Variants in PKP1 observed in about 807,000 individuals in gnomAD.
PKP1 encodes the protein plakophilin-1.
A neutral mutation model predicts 76.4 loss-of-function variants in PKP1; 27 were observed. That is an observed-to-expected ratio of 0.35 (90% CI 0.26 to 0.49). The LOEUF is 0.49. Among genes scored for constraint, PKP1 ranks in the 20% least tolerant of loss-of-function variants. The pLI is 0.99. For missense variants in PKP1, 964 were observed against 955.2 expected (o/e 1.01, Z -0.12); for synonymous variants, 404 against 384.2 (o/e 1.05, Z -0.60).
chr1:201,301,901 G>A (rs527719367), intron 2 of PKP1, among the ~76,000 whole-genome samples: 4 of 152,216 alleles, frequency 2.6e-5, no homozygotes, highest in South Asian at 2.1e-4. Context: ...TCCAGGCCTC[G>A]GTTTCCTCAT....
chr1:201,329,894 C>G (rs1441029407), intron 13 of PKP1, among the ~76,000 whole-genome samples, 180 bp from the exon 14 acceptor site: 1 of 152,190 alleles, frequency 6.6e-6, no homozygotes, highest in Non-Finnish European at 1.5e-5. Flanking sequence ...GCAGACAAAG[C>G]TGACAAGCTT....
intron 1 of PKP1, 45 bp downstream of exon 1, chr1:201,283,949 C>A: frequency 1.9e-6 from 3 of 1,550,706 alleles, no homozygotes; most frequent in Non-Finnish European, 2.7e-6. Flanking sequence ...CTTTCCAGAG[C>A]ACCCTGGCCC....
At chr1:201,306,008 G>A (rs796537401) in intron 2 of PKP1, among the ~76,000 whole-genome samples, 18 of 152,266 alleles carry the variant, frequency 1.2e-4, no homozygotes, top group African/African-American at 4.3e-4. Context: ...AGGGCCAGTG[G>A]TCCTCCACCA....
chr1:201,293,925 C>T lies in PKP1; in HGVS notation c.203-17C>T. 6.4e-7 allele frequency: 1 copy of T among 1,560,830 alleles called. No individual in the cohort carries two copies. The highest frequency in any genetic ancestry group is 8.8e-7 in the Non-Finnish European group (1 of 1,134,392). On this transcript the variant is annotated splice_polypyrimidine_tract_variant and intron_variant, in intron 1 of 13. Transcript: ENST00000367324. The stretch of plus-strand genomic sequence containing the variant: ...ATCATGGCCATCCCTGTCCTAATCC[C>T]CTCCTTTCTCCTCTAGGTTCCATGT...
At chr1:201,288,779 C>A (rs1361360852) in intron 1 of PKP1, among the ~76,000 whole-genome samples, 3 of 152,194 alleles carry the variant, frequency 2.0e-5, no homozygotes, top group Non-Finnish European at 4.4e-5. Flanking sequence ...AGGATGCTCC[C>A]ATGCTCTGCC....
At chr1:201,302,293 G>T (rs1476969303) in intron 2 of PKP1, among the ~76,000 whole-genome samples, 1 of 152,062 alleles carries the variant, frequency 6.6e-6, no homozygotes, top group Non-Finnish European at 1.5e-5. Flanking sequence ...CTCACAGATA[G>T]ATCTGGCAGA....
intron 2 of PKP1, among the ~76,000 whole-genome samples, chr1:201,302,251 A>T (rs1472124791): frequency 2.6e-5 from 4 of 152,160 alleles, no homozygotes; most frequent in African/African-American, 4.8e-5. Flanking sequence ...GGGAAATCAA[A>T]CCACAGAAAA....
chr1:201,314,824 G>C (rs1656676254), intron 3 of PKP1, among the ~76,000 whole-genome samples: 1 of 152,254 alleles, frequency 6.6e-6, no homozygotes, highest in African/African-American at 2.4e-5. Context: ...ACCCAGAGCT[G>C]TTCTGGAGCT....
chr1:201,324,941 G>T lies in PKP1; in HGVS notation c.1835G>T (p.Gly612Val). The T allele has an allele frequency of 6.2e-7, 1 of 1,613,376 alleles. No homozygotes were observed. The highest frequency in any genetic ancestry group is 8.5e-7 in the Non-Finnish European group (1 of 1,179,886). The change falls in exon 11 of 14, where the codon GGG (glycine) becomes GTG (valine). Residue 612 changes from glycine (G) to valine (V), a missense_variant and splice_region_variant. Transcript: ENST00000367324. ...GTGCCCCAACTCGTTCCTCTCCCAG[G>T]GAACCAGGTGTTCCCGGAGGTGACC... ...SRHPLLHRVM[G>V]NQVFPEVTRL...
intron 11 of PKP1, 114 bp downstream of exon 11, chr1:201,325,241 G>T (rs1571564500): frequency 9.2e-7 from 1 of 1,085,486 alleles, no homozygotes. Flanking sequence ...CCAAGGGCAG[G>T]GGGAGCCAGG....
chr1:201,319,336 C>T (rs983817737), intron 6 of PKP1, among the ~76,000 whole-genome samples: 5 of 152,086 alleles, frequency 3.3e-5, no homozygotes, highest in African/African-American at 9.7e-5. Flanking sequence ...TACAAGCTGG[C>T]GAAATGGGTG....
intron 1 of PKP1, among the ~76,000 whole-genome samples, chr1:201,287,785 A>G (rs78265440): frequency 6.6e-6 from 1 of 152,324 alleles, no homozygotes; most frequent in East Asian, 1.9e-4. Flanking sequence ...TGTAAGTATC[A>G]TTGTGCCAAT....
chr1:201,297,535 G>A (rs1336004545), intron 2 of PKP1, among the ~76,000 whole-genome samples: 1 of 152,218 alleles, frequency 6.6e-6, no homozygotes, highest in Non-Finnish European at 1.5e-5. Context: ...CAGGCCCAGA[G>A]AAGAGAAATT....
At chr1:201,316,226 G>C (rs1406546123) in intron 3 of PKP1, 4 of 296,612 alleles carry the variant, frequency 1.3e-5, no homozygotes, top group Non-Finnish European at 1.9e-5. Flanking sequence ...AAACAAGAGA[G>C]ATGGCAAGGT....
At position 201,299,540 on chromosome 1, in the gene PKP1, T is replaced by A. The variant is rs1190335743; in HGVS notation, c.306+5495T>A. Among the ~76,000 whole-genome samples, 4 of 152,340 alleles carry A rather than the reference T, an allele frequency of 2.6e-5. 1 individual carries two copies. In the East Asian group the frequency reaches 7.7e-4, roughly 29 times the overall value. ...GGTTGCATGTGGCTTGAGAGCTGAC[T>A]CTGAGTAGCTACAGGGAGCTAAAGT... is the stretch of plus-strand genomic sequence containing the variant. On this transcript the variant is annotated intron_variant, in intron 2 of 13. Transcript: ENST00000367324.
At chr1:201,320,456 GC>G (rs1656905152) in intron 7 of PKP1, 75 bp downstream of exon 7, 1 of 915,272 alleles carries the variant, frequency 1.1e-6, no homozygotes, top group Non-Finnish European at 1.8e-6. Context: ...TTGAGGCCTG[GC>G]CCAGTGACAA....
intron 6 of PKP1, chr1:201,319,804 C>T: frequency 6.2e-7 from 1 of 1,613,714 alleles, no homozygotes. Context: ...AGGGCTTCTT[C>T]CTGTCCCACA....
At chr1:201,322,359 G>C (rs537944685) in intron 8 of PKP1, among the ~76,000 whole-genome samples, 2 of 152,352 alleles carry the variant, frequency 1.3e-5, no homozygotes, top group African/African-American at 4.8e-5. Flanking sequence ...TAGGGGCTCA[G>C]ACCACCTTAG....
At position 201,328,849 on chromosome 1, in the gene PKP1, C is replaced by G. The variant is rs1428400893; in HGVS notation, c.*13C>G. 3 of 1,609,564 alleles carry G rather than the reference C, an allele frequency of 1.9e-6. No homozygotes were observed. On this transcript the variant is annotated 3_prime_UTR_variant, in exon 13 of 14. Transcript: ENST00000367324. ...CTCCCGATTCTAAGAAGAGACTGTCCAAGCAAGTTAGGCTTGCAGGTAAGA... is the reference window on the plus strand; with the variant it reads ...CTCCCGATTCTAAGAAGAGACTGTCGAAGCAAGTTAGGCTTGCAGGTAAGA...
Sources: allele counts gnomAD v4.1 joint callset (sites outside exome capture counted in the v4.1 genomes callset), GRCh38; gene constraint gnomAD v4.1.1; transcripts MANE v1.5; gene names NCBI Gene and HGNC (gene_info 2026-07-23, HGNC 2026-07-21).